Variants in TNFAIP8L3 observed in about 807,000 individuals in gnomAD.
TNFAIP8L3 encodes the protein TNF alpha induced protein 8 like 3, also known as tumor necrosis factor alpha-induced protein 8-like protein 3.
In TNFAIP8L3, 7 loss-of-function variants were observed where a neutral mutation model predicts 11.8. The ratio of observed to expected loss-of-function variants is 0.59; its 90% CI spans 0.34 to 1.11. The LOEUF is 1.11. Among genes scored for constraint, TNFAIP8L3 ranks in the 50% most tolerant of loss-of-function variants. The pLI, the probability that TNFAIP8L3 is intolerant of heterozygous loss-of-function variation, is 0.03. For synonymous variants in TNFAIP8L3, 98 were observed against 103.8 expected (o/e 0.94, Z 0.34); for missense variants, 219 against 258.6 (o/e 0.85, Z 1.05).
chr15:51,085,883 T>A (rs956306879), intron 1 of TNFAIP8L3, among the ~76,000 whole-genome samples: 1 of 152,230 alleles, frequency 6.6e-6, no homozygotes, highest in African/African-American at 2.4e-5. Context: ...CTAATTTTCT[T>A]CCTTGTACTG....
intron 1 of TNFAIP8L3, among the ~76,000 whole-genome samples, chr15:51,088,231 T>G (rs937078136): frequency 6.6e-6 from 1 of 152,034 alleles, no homozygotes; most frequent in Non-Finnish European, 1.5e-5. Context: ...ACTATGCTAA[T>G]AGAAAGTGTG....
chr15:51,078,651 T>A (rs543561527), intron 1 of TNFAIP8L3, among the ~76,000 whole-genome samples: 2 of 151,798 alleles, frequency 1.3e-5, no homozygotes, highest in Admixed American at 1.3e-4. Context: ...GCTTGCCTGA[T>A]CCCTCCCCCT....
intron 1 of TNFAIP8L3, among the ~76,000 whole-genome samples, chr15:51,074,424 A>G (rs2065334834): frequency 6.6e-6 from 1 of 152,228 alleles, no homozygotes; most frequent in South Asian, 2.1e-4. Context: ...GCAGAAAGTA[A>G]CAACCTAGCA....
chr15:51,082,072 C>CTT, intron 1 of TNFAIP8L3, among the ~76,000 whole-genome samples: 1 of 148,312 alleles, frequency 6.7e-6, no homozygotes, highest in East Asian at 2.0e-4. Flanking sequence ...AATGAGGGGA[C>CTT]TTTTCTGGAA....
chr15:51,088,701 A>G (rs2065446615), intron 1 of TNFAIP8L3, among the ~76,000 whole-genome samples: 1 of 152,176 alleles, frequency 6.6e-6, no homozygotes. Context: ...CAGTTCAACA[A>G]CTATCCCCTG....
intron 1 of TNFAIP8L3, among the ~76,000 whole-genome samples, chr15:51,081,033 G>GT (rs1303128949): frequency 6.6e-6 from 1 of 151,998 alleles, no homozygotes; most frequent in Non-Finnish European, 1.5e-5. Flanking sequence ...GTAAGGGCCT[G>GT]TTTTTTTTCT....
chr15:51,096,352 G>A (rs536494763), upstream of TNFAIP8L3, among the ~76,000 whole-genome samples: 4 of 152,250 alleles, frequency 2.6e-5, no homozygotes, highest in South Asian at 8.3e-4. Flanking sequence ...TTGATGAAAT[G>A]GTCAAAAGAG....
At chr15:51,066,375 C>T (rs1424158336) in intron 1 of TNFAIP8L3, among the ~76,000 whole-genome samples, 2 of 152,086 alleles carry the variant, frequency 1.3e-5, no homozygotes, top group Non-Finnish European at 2.9e-5. Flanking sequence ...GTTGGCCAGG[C>T]TGGTCTACGA....
At chr15:51,091,654 T>C (rs1004934905) in intron 1 of TNFAIP8L3, among the ~76,000 whole-genome samples, 8 of 129,716 alleles carry the variant, frequency 6.2e-5, no homozygotes, top group Admixed American at 8.5e-5. Context: ...TGAGAAGAGG[T>C]AAACTAAAAA....
At chr15:51,087,531 A>G (rs923418714) in intron 1 of TNFAIP8L3, among the ~76,000 whole-genome samples, 1 of 152,188 alleles carries the variant, frequency 6.6e-6, no homozygotes, top group Non-Finnish European at 1.5e-5. Context: ...GCTTCCTTTC[A>G]TGGCCAGAAT....
intron 1 of TNFAIP8L3, among the ~76,000 whole-genome samples, chr15:51,065,548 A>T (rs778093369): frequency 5.3e-5 from 8 of 152,210 alleles, no homozygotes; most frequent in Non-Finnish European, 1.0e-4. Context: ...ACAAGGTAAT[A>T]AATTTTGGGA....
chr15:51,074,942 C>G (rs1487258284), intron 1 of TNFAIP8L3, among the ~76,000 whole-genome samples: 1 of 152,242 alleles, frequency 6.6e-6, no homozygotes, highest in Non-Finnish European at 1.5e-5. Context: ...TGCACTGCGA[C>G]TGGCCATCTA....
chr15:51,083,016 A>G (rs2065403302), intron 1 of TNFAIP8L3, among the ~76,000 whole-genome samples: 1 of 152,218 alleles, frequency 6.6e-6, no homozygotes, highest in Non-Finnish European at 1.5e-5. Flanking sequence ...AATACCAACT[A>G]TTAAGGGTGA....
chr15:51,099,462 A>AAG (rs773087639), upstream of TNFAIP8L3, among the ~76,000 whole-genome samples: 2 of 152,002 alleles, frequency 1.3e-5, no homozygotes, highest in African/African-American at 4.8e-5. Context: ...GGAGAAGAGA[A>AAG]AGAGAGAGAG....
exon 1 of TNFAIP8L3, chr15:51,105,063 G>T: frequency 6.2e-7 from 1 of 1,614,156 alleles, no homozygotes; most frequent in Non-Finnish European, 8.5e-7. Flanking sequence ...TTTGTAACGT[G>T]GCATCCCTTG....
intron 1 of TNFAIP8L3, among the ~76,000 whole-genome samples, chr15:51,082,333 T>C (rs1434868419): frequency 2.6e-5 from 4 of 152,166 alleles, no homozygotes; most frequent in African/African-American, 9.7e-5. Context: ...TATCTAAACA[T>C]GTATAAGGTA....
intron 1 of TNFAIP8L3, among the ~76,000 whole-genome samples, chr15:51,090,676 T>G (rs2065461761): frequency 6.6e-6 from 1 of 152,180 alleles, no homozygotes; most frequent in Non-Finnish European, 1.5e-5. Context: ...TTGGTTCATG[T>G]GGACCAAGCT....
Position 51,094,579 on chromosome 15 carries a change from C to T in TNFAIP8L3, c.17G>A (p.Gly6Glu). The change falls in exon 1 of 2, where the codon GGG becomes GAG. Residue 6 changes from glycine to glutamate, a missense_variant. Gly to Glu is a moderately conservative substitution (Grantham distance 98). Transcript: ENST00000637513. This position sits in a 1 kb window ranked among gnomAD's most constrained non-coding sequence, Gnocchi z 4.4. Reference sequence around the variant, plus strand: ...CACGGGCTCGCCCTCGCTCTGCTCCCCGGAATCCGAATCCATGCTGCGGGC... The same window carrying T: ...CACGGGCTCGCCCTCGCTCTGCTCCTCGGAATCCGAATCCATGCTGCGGGC... Reference protein sequence around the residue: MDSDSGEQSEGEPVTA... With the variant: MDSDSEEQSEGEPVTA... 1 of 1,501,866 alleles carries T rather than the reference C, an allele frequency of 6.7e-7. No individual in the cohort carries two copies. Among genetic ancestry groups the T allele is most frequent in the Non-Finnish European group, 8.8e-7 (1 of 1,130,392 alleles). The allele number at this position is 1,501,866 out of a possible 1,614,324, so 93.0% of individuals were successfully genotyped here. A position where few individuals can be genotyped will look rare whatever the true frequency, so the allele number is the denominator to read the frequency against.
chr15:51,063,401 A>G (rs1321660654), intron 1 of TNFAIP8L3, among the ~76,000 whole-genome samples: 1 of 152,242 alleles, frequency 6.6e-6, no homozygotes, highest in Non-Finnish European at 1.5e-5. Context: ...CAAGTTGGTC[A>G]TCTATTCCTG....
Sources: allele counts gnomAD v4.1 joint callset (sites outside exome capture counted in the v4.1 genomes callset), GRCh38; gene constraint gnomAD v4.1.1; non-coding constraint Gnocchi (gnomAD v3.1); transcripts MANE v1.5; gene names NCBI Gene and HGNC (gene_info 2026-07-23, HGNC 2026-07-21).